The following SCAF8 variants were observed in gnomAD, a reference collection of about 807,000 sequenced individuals.
SCAF8 encodes SR-related and CTD-associated factor 8.
A neutral mutation model predicts 140.5 loss-of-function variants in SCAF8; 23 were observed. That is an observed-to-expected ratio of 0.16 (90% CI 0.12 to 0.23). The LOEUF (loss-of-function observed/expected upper bound fraction) is 0.23, where lower values mean the gene tolerates loss of function less well. SCAF8 is among the 10% of genes least tolerant of loss of function. The pLI is 1.00. For synonymous variants in SCAF8, 575 were observed against 528.9 expected, an observed-to-expected ratio of 1.09 and a Z score of -1.20; for missense variants, 1,397 against 1,555.7, an observed-to-expected ratio of 0.90 and a Z score of 1.72.
In SCAF8 at chr6:154,833,181, G is replaced by C; in HGVS notation, c.3602G>C (p.Gly1201Ala). Reference protein sequence around the residue: ...PHARVFDYFEGATSQRKGDNV... With the variant: ...PHARVFDYFEAATSQRKGDNV... ...GCTCGGGTTTTTGATTATTTTGAAG[G>C]GGCCACTTCTCAACGAAAAGGTGAT... The change falls in exon 20 of 20, where the codon GGG becomes GCG. Residue 1201 changes from glycine to alanine, a missense_variant. Around this residue, in one of 5 missense-constraint regions of SCAF8, gnomAD observed 930 missense variants for 874.6 expected, o/e 1.06. Transcript: ENST00000367178. 10 of 1,614,016 alleles carry C rather than the reference G, an allele frequency of 6.2e-6. No individual in the cohort carries two copies. The highest frequency in any genetic ancestry group is 8.5e-6 in the Non-Finnish European group (10 of 1,179,986).
chr6:154,777,430 G>A (rs1341447648), intron 2 of SCAF8, among the ~76,000 whole-genome samples: 1 of 151,920 alleles, frequency 6.6e-6, no homozygotes, highest in Non-Finnish European at 1.5e-5. Flanking sequence ...GTTCACTTCC[G>A]CTGATTCATT....
chr6:154,748,866 G>T (rs767324863), intron 1 of SCAF8, among the ~76,000 whole-genome samples: 7 of 152,196 alleles, frequency 4.6e-5, no homozygotes, highest in Non-Finnish European at 8.8e-5. Context: ...CAAAAGCAAA[G>T]AATTAAATGT....
intron 1 of SCAF8, among the ~76,000 whole-genome samples, chr6:154,740,009 A>G (rs1176326931): frequency 6.6e-6 from 1 of 152,168 alleles, no homozygotes; most frequent in Non-Finnish European, 1.5e-5. Context: ...ATTTTCATCT[A>G]CCAGGGAATC....
chr6:154,818,567 A>T lies in SCAF8; in HGVS notation c.1610A>T (p.Tyr537Phe). The T allele has an allele frequency of 6.2e-7, 1 of 1,601,856 alleles. No individual in the cohort carries two copies. The highest frequency in any genetic ancestry group is 8.5e-7 in the Non-Finnish European group (1 of 1,172,952). ...CTTCAGAAACTCAGTTCTGGATCAT[A>T]TAAAATTGGGTCCAAGGTCATTAAG... ...RALQKLSSGSYKIGSKVIKIA... is the reference protein window; with the variant it reads ...RALQKLSSGSFKIGSKVIKIA... The change falls in exon 14 of 20, where the codon TAT (tyrosine) becomes TTT (phenylalanine). Residue 537 changes from tyrosine to phenylalanine, a missense_variant. Physicochemically the swap from Tyr to Phe is conservative, Grantham distance 22. Coordinates refer to ENST00000367178, the MANE Select transcript of SCAF8 (RefSeq NM_014892.5).
intron 18 of SCAF8, among the ~76,000 whole-genome samples, chr6:154,828,861 T>C (rs1374184889): frequency 6.6e-6 from 1 of 152,256 alleles, no homozygotes; most frequent in Admixed American, 6.5e-5. Flanking sequence ...TTATATTTGC[T>C]TGTGTTCTCA....
intron 12 of SCAF8, 68 bp downstream of exon 12, chr6:154,810,276 GTCTC>G (rs1324954607): frequency 3.4e-6 from 4 of 1,169,082 alleles, no homozygotes; most frequent in East Asian, 2.6e-5. Context: ...CTGCTACAAA[GTCTC>G]TCAGCCAAAT....
At chr6:154,736,993 A>G (rs1216256578) in intron 1 of SCAF8, among the ~76,000 whole-genome samples, 2 of 152,224 alleles carry the variant, frequency 1.3e-5, no homozygotes, top group Non-Finnish European at 1.5e-5. Flanking sequence ...ACAAAACAAT[A>G]CATAATACTG....
chr6:154,830,885 A>G (rs1398689496), intron 18 of SCAF8, 37 bp from the exon 19 acceptor site: 36 of 1,535,046 alleles, frequency 2.3e-5, no homozygotes, highest in Non-Finnish European at 3.2e-5. Flanking sequence ...GAATTGACTC[A>G]TTAAATCTGA....
At chr6:154,750,935 A>G (rs1319625010) in intron 1 of SCAF8, among the ~76,000 whole-genome samples, 1 of 150,562 alleles carries the variant, frequency 6.6e-6, no homozygotes, top group Non-Finnish European at 1.5e-5. Flanking sequence ...AAAAGGTAAC[A>G]TGTTTTCATT....
At chr6:154,809,037 AATTAT>A (rs1459154192) in intron 11 of SCAF8, among the ~76,000 whole-genome samples, 1 of 152,104 alleles carries the variant, frequency 6.6e-6, no homozygotes, top group Non-Finnish European at 1.5e-5. Context: ...AGGGATTTTG[AATTAT>A]ATTTTATTTT....
rs1433945748 is a variant in SCAF8, at chr6:154,733,786, T to A, written c.-115T>A. 7.2e-7 allele frequency: 1 copy of A among 1,387,658 alleles called. No individual in the cohort carries two copies. The highest frequency in any genetic ancestry group is 1.5e-5 in the African/African-American group (1 of 66,190). The allele number at this position is 1,387,658 out of a possible 1,614,324, so 86.0% of individuals were successfully genotyped here. ...GCCCCGAGGTCGCAGCGGCCCGCTCTCCCGCCAGCGCCCCCTCCTCGCGGC... is the reference window on the plus strand; with the variant it reads ...GCCCCGAGGTCGCAGCGGCCCGCTCACCCGCCAGCGCCCCCTCCTCGCGGC... On this transcript the variant is annotated 5_prime_UTR_variant, in exon 1 of 20. Transcript: ENST00000367178.
At chr6:154,740,516 A>G (rs1008853394) in intron 1 of SCAF8, among the ~76,000 whole-genome samples, 1 of 152,156 alleles carries the variant, frequency 6.6e-6, no homozygotes, top group Non-Finnish European at 1.5e-5. Context: ...AATAAGCTCT[A>G]TGAGGACAGT....
intron 7 of SCAF8, among the ~76,000 whole-genome samples, chr6:154,802,955 G>A (rs1458268907): frequency 6.6e-6 from 1 of 152,130 alleles, no homozygotes; most frequent in African/African-American, 2.4e-5. Flanking sequence ...ACAATTTAGT[G>A]TGTGATATTC....
chr6:154,745,228 T>C (rs995304309), intron 1 of SCAF8, among the ~76,000 whole-genome samples: 2 of 152,228 alleles, frequency 1.3e-5, no homozygotes, highest in African/African-American at 2.4e-5. Flanking sequence ...TGCTTTAATA[T>C]TGATTTGCTG....
chr6:154,786,991 G>A (rs1023424002), intron 3 of SCAF8, among the ~76,000 whole-genome samples: 1 of 152,240 alleles, frequency 6.6e-6, no homozygotes, highest in Non-Finnish European at 1.5e-5. Flanking sequence ...ATACTGTGCA[G>A]TAAGCTTGCA....
chr6:154,764,926 A>G (rs188709382), intron 1 of SCAF8, among the ~76,000 whole-genome samples: 2 of 152,318 alleles, frequency 1.3e-5, no homozygotes, highest in East Asian at 1.9e-4. Context: ...GAGAATTGGA[A>G]TGAAGCTTGG....
chr6:154,782,667 C>G (rs1777119512), intron 3 of SCAF8, among the ~76,000 whole-genome samples: 1 of 152,122 alleles, frequency 6.6e-6, no homozygotes, highest in South Asian at 2.1e-4. Context: ...CACAAGGTCC[C>G]ACAGCAGGCT....
At chr6:154,826,595 T>A (rs1200236067) in intron 17 of SCAF8, among the ~76,000 whole-genome samples, 4 of 152,148 alleles carry the variant, frequency 2.6e-5, no homozygotes, top group Non-Finnish European at 5.9e-5. Context: ...TTAAAATGAT[T>A]AAGAAGCCGA....
chr6:154,739,219 C>T (rs758392939), intron 1 of SCAF8, among the ~76,000 whole-genome samples: 2 of 152,008 alleles, frequency 1.3e-5, no homozygotes, highest in Non-Finnish European at 2.9e-5. Context: ...CTTGAACTCC[C>T]GGCCTTTAAT....
Sources: allele counts gnomAD v4.1 joint callset (sites outside exome capture counted in the v4.1 genomes callset), GRCh38; gene constraint gnomAD v4.1.1; regional missense constraint gnomAD v4.1.1; transcripts MANE v1.5; gene names NCBI Gene and HGNC (gene_info 2026-07-23, HGNC 2026-07-21).